Variants in SLC18A1 observed in about 807,000 individuals in gnomAD.
The protein encoded by SLC18A1 is solute carrier family 18 member A1.
SLC18A1 carries 69 observed loss-of-function variants against 53.7 expected under a neutral mutation model. That is an observed-to-expected ratio of 1.28 (90% confidence interval 1.06 to 1.57). The LOEUF is 1.57. Among genes scored for constraint, SLC18A1 ranks in the 40% most tolerant of loss-of-function variants. SLC18A1 has a pLI of 0.00. For synonymous variants in SLC18A1, 320 were observed against 248.1 expected (o/e 1.29, Z -2.72); for missense variants, 932 against 668.1 (o/e 1.40, Z -4.35).
At chr8:20,174,259 T>A (rs1181852060) in intron 5 of SLC18A1, 102 bp downstream of exon 5, 5 of 900,070 alleles carry the variant, frequency 5.6e-6, no homozygotes, top group Non-Finnish European at 9.1e-6. Context: ...CCAGGTGACA[T>A]TTTCCTTAAT....
rs769093581 is a variant in SLC18A1 at position 20,173,097 on chromosome 8, A to G, written c.663T>C (p.Asp221=). 8.9e-6 allele frequency: 14 copies of G among 1,579,658 alleles called. No individual in the cohort carries two copies. The highest frequency in any genetic ancestry group is 1.2e-5 in the Non-Finnish European group (14 of 1,163,454). ...GLGMLASVYT[D]DHERGRAMGT... ...CCATGGCTCGTCCTCTCTCATGGTCATCAGTGTAGACACTGGCCAGCATTC... is the reference window on the plus strand; with the variant it reads ...CCATGGCTCGTCCTCTCTCATGGTCGTCAGTGTAGACACTGGCCAGCATTC... The change falls in exon 6 of 16, where the codon GAT becomes GAC. Residue 221 remains aspartate, a synonymous_variant. Transcript: ENST00000276373.
In SLC18A1 at chr8:20,147,599, A is replaced by G. The variant is rs2071433593; in HGVS notation, c.1330+4T>C. On this transcript the variant is annotated splice_donor_region_variant and intron_variant, in intron 14 of 15. Transcript: ENST00000276373. ...AAGTGGGGCACCAGGTCCTGCCAAC[A>G]TACCTATAGCAAAGCCCATGCAAAA... 5.0e-6 allele frequency: 8 copies of G among 1,614,056 alleles called. No individual in the cohort carries two copies. The highest frequency in any genetic ancestry group is 5.9e-6 in the Non-Finnish European group (7 of 1,179,958).
At chr8:20,166,919 C>A (rs562540410) in intron 8 of SLC18A1, among the ~76,000 whole-genome samples, 49 of 152,086 alleles carry the variant, frequency 3.2e-4, no homozygotes, top group African/African-American at 1.1e-3. Flanking sequence ...CATGTGAGGA[C>A]GCACTGAGAA....
At chr8:20,157,151 C>T (rs1446506267) in intron 10 of SLC18A1, among the ~76,000 whole-genome samples, 1 of 152,194 alleles carries the variant, frequency 6.6e-6, no homozygotes. Flanking sequence ...GACTAATGCT[C>T]ATCGGAAAAT....
chr8:20,157,155 G>A (rs888108233), intron 10 of SLC18A1, among the ~76,000 whole-genome samples: 1 of 152,142 alleles, frequency 6.6e-6, no homozygotes, highest in South Asian at 2.1e-4. Flanking sequence ...AATGCTCATC[G>A]GAAAATGACT....
At chr8:20,155,056 C>T (rs147568380) in intron 10 of SLC18A1, among the ~76,000 whole-genome samples, 8,327 of 152,222 alleles carry the variant, frequency 0.055, 609 homozygotes, top group East Asian at 0.28. Flanking sequence ...CTGTGACCCA[C>T]GGCTTCTAAT....
intron 5 of SLC18A1, 139 bp downstream of exon 5, chr8:20,174,222 T>C: frequency 1.4e-6 from 1 of 715,100 alleles, no homozygotes; most frequent in Middle Eastern, 2.5e-4. Flanking sequence ...CCAATTCCCT[T>C]ATTTCTGAAT....
chr8:20,154,783 G>A lies in SLC18A1; in HGVS notation c.1016-4039C>T, dbSNP rs2088341. 5.6e-3 allele frequency among the ~76,000 whole-genome samples: 845 copies of A among 152,250 alleles called. 7 individuals are homozygous for A. The highest frequency in any genetic ancestry group is 0.019 in the African/African-American group (778 of 41,530). On this transcript the variant is annotated intron_variant, in intron 10 of 15. Transcript: ENST00000276373. ...TTTCACTCTATTAGATCTTGCAACT[G>A]TACACTCTTCTGGTCCGTGTTTGTT...
At chr8:20,155,357 T>A (rs573245435) in intron 10 of SLC18A1, among the ~76,000 whole-genome samples, 44 of 152,330 alleles carry the variant, frequency 2.9e-4, no homozygotes, top group Admixed American at 9.1e-4. Flanking sequence ...TTAGCGTGGC[T>A]GCTGGACTTA....
chr8:20,148,184 C>T (rs1204212649), intron 12 of SLC18A1, 114 bp from the exon 13 acceptor site: 2 of 869,918 alleles, frequency 2.3e-6, no homozygotes, highest in Non-Finnish European at 3.8e-6. Flanking sequence ...TGGCCACATA[C>T]ATCATCCTCC....
Position 20,171,278 on chromosome 8 carries a change from G to A in SLC18A1, c.814+127C>T, listed in dbSNP as rs925736952. ...GAGTTTCTTCTTTCTTTTCTACAACGGGGCAGTCCTTGATCCATCAAAACA... is the reference window on the plus strand; with the variant it reads ...GAGTTTCTTCTTTCTTTTCTACAACAGGGCAGTCCTTGATCCATCAAAACA... On this transcript the variant is annotated intron_variant, in intron 7 of 15. Transcript: ENST00000276373. 94 of 1,302,746 alleles carry A rather than the reference G, an allele frequency of 7.2e-5. 1 individual carries two copies. In the South Asian group the frequency reaches 7.6e-4, roughly 11 times the overall value. 80.7% of individuals were successfully genotyped at this position (1,302,746 alleles called of 1,614,324 possible). A position where few individuals can be genotyped will look rare whatever the true frequency, so the allele number is the denominator to read the frequency against.
chr8:20,147,940 G>C, intron 13 of SLC18A1, 67 bp downstream of exon 13: 1 of 1,545,800 alleles, frequency 6.5e-7, no homozygotes, highest in Non-Finnish European at 8.9e-7. Context: ...AGAAAAGGGG[G>C]AGGAAAGGCA....
At chr8:20,149,780 C>A in intron 11 of SLC18A1, 53 bp from the exon 12 acceptor site, 1 of 1,543,848 alleles carries the variant, frequency 6.5e-7, no homozygotes, top group African/African-American at 1.4e-5. Context: ...TCCCCTCCAC[C>A]TGTACCCCAT....
chr8:20,161,868 C>T (rs1473609473), intron 10 of SLC18A1, among the ~76,000 whole-genome samples: 1 of 152,164 alleles, frequency 6.6e-6, no homozygotes, highest in Non-Finnish European at 1.5e-5. Flanking sequence ...GTCTACCCAG[C>T]AGCAATCATG....
chr8:20,156,642 C>G (rs1025479277), intron 10 of SLC18A1, among the ~76,000 whole-genome samples: 1 of 152,216 alleles, frequency 6.6e-6, no homozygotes, highest in Non-Finnish European at 1.5e-5. Flanking sequence ...ATCTTTTTCT[C>G]CTTGCTCTTC....
At chr8:20,153,683 A>C (rs1473201177) in intron 10 of SLC18A1, among the ~76,000 whole-genome samples, 1 of 151,946 alleles carries the variant, frequency 6.6e-6, no homozygotes, top group Non-Finnish European at 1.5e-5. Flanking sequence ...AAAAAGAAAG[A>C]AGTGAGGACA....
intron 4 of SLC18A1, among the ~76,000 whole-genome samples, chr8:20,177,622 A>G (rs897704024): frequency 6.6e-6 from 1 of 152,226 alleles, no homozygotes; most frequent in African/African-American, 2.4e-5. Flanking sequence ...CGTGTACCCT[A>G]GAACTTAAAG....
At chr8:20,171,697 T>TGC (rs2072122630) in intron 6 of SLC18A1, among the ~76,000 whole-genome samples, 1 of 150,224 alleles carries the variant, frequency 6.7e-6, no homozygotes, top group Non-Finnish European at 1.5e-5. Flanking sequence ...TGTGTGTGTG[T>TGC]GTGTGTGCGC....
chr8:20,158,418 G>A (rs909644416), intron 10 of SLC18A1, among the ~76,000 whole-genome samples: 1 of 152,126 alleles, frequency 6.6e-6, no homozygotes, highest in East Asian at 1.9e-4. Context: ...ACATACAGAA[G>A]GAACACCTGT....
Sources: gnomAD v4.1 joint callset for allele counts (sites outside exome capture counted in the v4.1 genomes callset) on GRCh38, gnomAD v4.1.1 for gene constraint, MANE v1.5 for transcripts, NCBI Gene and HGNC (gene_info 2026-07-23, HGNC 2026-07-21) for gene names.